ZNF583: variants seen among roughly 807,000 people sequenced by gnomAD.
ZNF583 encodes zinc finger protein L3-5.
In ZNF583, 30 loss-of-function variants were observed where a neutral mutation model predicts 55.3. The observed-to-expected ratio is 0.54, with a 90% CI of 0.41 to 0.74. The LOEUF is 0.74. Ranked by LOEUF, ZNF583 falls within the 30% of genes least tolerant of loss-of-function variation. The probability of loss-of-function intolerance (pLI) is 0.00; values close to 1 mark genes in which losing one functional copy is unlikely to be tolerated. For synonymous variants in ZNF583, 208 were observed against 220.0 expected (o/e 0.95, Z 0.48); for missense variants, 504 against 664.7 (o/e 0.76, Z 2.66).
intron 4 of ZNF583, among the ~76,000 whole-genome samples, chr19:56,415,586 A>G (rs1240558693): frequency 2.0e-5 from 3 of 152,084 alleles, no homozygotes; most frequent in Non-Finnish European, 2.9e-5. Flanking sequence ...TAATATATAT[A>G]TATTTTTAGA....
intron 4 of ZNF583, among the ~76,000 whole-genome samples, chr19:56,417,078 AT>A (rs1244641156): frequency 3.3e-5 from 5 of 152,202 alleles, no homozygotes; most frequent in East Asian, 1.9e-4. Flanking sequence ...GCAACATTTC[AT>A]TTATCCATTC....
upstream of ZNF583, chr19:56,404,215 A>C: frequency 6.6e-6 from 1 of 152,558 alleles, no homozygotes; most frequent in Non-Finnish European, 1.5e-5. The surrounding 1 kb of genome is among the most constrained non-coding windows in gnomAD (Gnocchi z 5.2). Context: ...AGCAGTAACT[A>C]CCCGCAACTG....
intron 4 of ZNF583, among the ~76,000 whole-genome samples, chr19:56,416,883 G>A (rs79700348): frequency 0.047 from 7,072 of 151,978 alleles, 541 homozygotes; most frequent in African/African-American, 0.16. Context: ...AAAAGATTGC[G>A]TGTGTCTCTT....
rs2042465698 is a variant in ZNF583 at position 56,424,135 on chromosome 19, G to A, written c.1477G>A (p.Glu493Lys). The change falls in exon 5 of 5, where the codon GAA becomes AAA. Residue 493 changes from glutamate to lysine, a missense_variant. By Grantham distance (56) the Glu-to-Lys change is moderately conservative. Transcript: ENST00000333201. ...AATTCATACTGGAGAGAAACCTTAT[G>A]AATGTAATGTTTGTGGGAAAGCATT... ...QRIHTGEKPYECNVCGKAFSY... is the reference protein window; with the variant it reads ...QRIHTGEKPYKCNVCGKAFSY... 6.2e-7 allele frequency: 1 copy of A among 1,611,966 alleles called. No individual in the cohort carries two copies. The highest frequency in any genetic ancestry group is 1.3e-5 in the African/African-American group (1 of 74,876).
At chr19:56,419,707 G>A (rs1434542176) in intron 4 of ZNF583, among the ~76,000 whole-genome samples, 2 of 152,180 alleles carry the variant, frequency 1.3e-5, no homozygotes, top group Non-Finnish European at 1.5e-5. Flanking sequence ...TGGATATAGG[G>A]TTAATCAGGT....
In ZNF583 at chr19:56,407,134, AT is replaced by A. The variant is rs1338199042; in HGVS notation, c.9+14del. 1 of 1,614,034 alleles carries A rather than the reference AT, an allele frequency of 6.2e-7. No individual in the cohort carries two copies. The highest frequency in any genetic ancestry group is 1.1e-5 in the South Asian group (1 of 91,066). Reference sequence around the variant, plus strand: ...AAAGCCATGTCCAAGGTAAGGAAGCATTTCTTCTCTCTTCCCTAAAATGCCA... The same window carrying A: ...AAAGCCATGTCCAAGGTAAGGAAGCATTCTTCTCTCTTCCCTAAAATGCCA... On this transcript the variant is annotated intron_variant, in intron 2 of 4. Transcript: ENST00000333201.
At chr19:56,407,519 G>A (rs1381605007) in intron 2 of ZNF583, among the ~76,000 whole-genome samples, 1 of 152,182 alleles carries the variant, frequency 6.6e-6, no homozygotes, top group African/African-American at 2.4e-5. Flanking sequence ...AAGACAGGAG[G>A]GTTATCAGGT....
At chr19:56,422,537 TATTAA>T (rs1407178551) in intron 4 of ZNF583, among the ~76,000 whole-genome samples, 1 of 152,186 alleles carries the variant, frequency 6.6e-6, no homozygotes, top group African/African-American at 2.4e-5. Flanking sequence ...TTTTTAATCA[TATTAA>T]CATCATAAAA....
At chr19:56,414,986 A>G (rs1183233696) in intron 4 of ZNF583, among the ~76,000 whole-genome samples, 4 of 149,918 alleles carry the variant, frequency 2.7e-5, no homozygotes, top group African/African-American at 4.9e-5. Context: ...CCTGCACTCC[A>G]GCCTAGGTAA....
intron 4 of ZNF583, among the ~76,000 whole-genome samples, chr19:56,417,093 T>C (rs945347568): frequency 1.3e-5 from 2 of 152,218 alleles, no homozygotes; most frequent in African/African-American, 4.8e-5. Context: ...TCCATTCACC[T>C]GGTGATGGAC....
At chr19:56,410,721 A>G (rs538110621) in intron 2 of ZNF583, among the ~76,000 whole-genome samples, 1 of 152,140 alleles carries the variant, frequency 6.6e-6, no homozygotes, top group South Asian at 2.1e-4. Flanking sequence ...AACAGCAACA[A>G]CAACAAAAAT....
In ZNF583 at chr19:56,423,440, T is replaced by G. The variant is rs2042451494; in HGVS notation, c.782T>G (p.Ile261Arg). ...GCAAACTTGGCGCAACATAAGAGAA[T>G]ACATACTGGAGAGAAACCCTATGAA... ...QSANLAQHKR[I>R]HTGEKPYECK... is the part of the protein sequence containing the mutation. The change falls in exon 5 of 5, where the codon ATA becomes AGA. Residue 261 changes from isoleucine (I) to arginine (R), a missense_variant. By Grantham distance (97) the Ile-to-Arg change is moderately conservative (BLOSUM62 -3). Transcript: ENST00000333201. 6.2e-7 allele frequency: 1 copy of G among 1,613,772 alleles called. No homozygotes were observed. The highest frequency in any genetic ancestry group is 8.5e-7 in the Non-Finnish European group (1 of 1,179,860).
At chr19:56,416,666 A>G (rs1048750621) in intron 4 of ZNF583, among the ~76,000 whole-genome samples, 7 of 150,222 alleles carry the variant, frequency 4.7e-5, no homozygotes, top group African/African-American at 1.7e-4. Context: ...TGTTCATACT[A>G]GATAATCTAC....
chr19:56,422,989 T>C lies in ZNF583; in HGVS notation c.331T>C (p.Tyr111His). 3 of 1,613,950 alleles carry C rather than the reference T, an allele frequency of 1.9e-6. No homozygotes were observed. Among genetic ancestry groups the C allele is most frequent in the Non-Finnish European group, 2.5e-6 (3 of 1,179,894 alleles). The change falls in exon 5 of 5, where the codon TAT (tyrosine) becomes CAT (histidine). Residue 111 changes from tyrosine to histidine, a missense_variant. Tyr to His is a moderately conservative substitution (Grantham distance 83). Coordinates refer to ENST00000333201, the MANE Select transcript of ZNF583 (RefSeq NM_152478.3). ...VVTVGARHLS[Y>H]SLDYPSLRED... ...GACAGTGGGAGCAAGACATCTTAGTTATAGCCTTGACTATCCCAGTTTGAG... is the reference window on the plus strand; with the variant it reads ...GACAGTGGGAGCAAGACATCTTAGTCATAGCCTTGACTATCCCAGTTTGAG...
At chr19:56,414,477 C>G in intron 4 of ZNF583, 37 bp downstream of exon 4, 1 of 1,563,466 alleles carries the variant, frequency 6.4e-7, no homozygotes, top group Non-Finnish European at 8.7e-7. Flanking sequence ...GAAGCCATTG[C>G]CAGGAAAAGC....
chr19:56,412,674 C>T (rs779866066), intron 2 of ZNF583, among the ~76,000 whole-genome samples: 12 of 152,292 alleles, frequency 7.9e-5, no homozygotes, highest in South Asian at 2.1e-4. Flanking sequence ...AATCATTTGT[C>T]GCCTCTTACA....
At position 56,423,090 on chromosome 19, in the gene ZNF583, C is replaced by T. The variant is rs777094872; in HGVS notation, c.432C>T (p.Ile144=). Residue 144 remains isoleucine (I), a synonymous_variant, in exon 5 of 5, where the codon ATC becomes ATT. Coordinates refer to ENST00000333201, the MANE Select transcript of ZNF583 (RefSeq NM_152478.3). ...AGGTACATCTTAGTCAATTAATCATCACTCATAAAGAAATCCTTCCAGAAG... is the reference window on the plus strand; with the variant it reads ...AGGTACATCTTAGTCAATTAATCATTACTCATAAAGAAATCCTTCCAGAAG... The part of the protein sequence containing the change: ...SQEVHLSQLI[I]THKEILPEVQ... 24 of 1,612,870 alleles carry T rather than the reference C, an allele frequency of 1.5e-5. No homozygotes were observed. In the South Asian group the frequency reaches 2.1e-4, roughly 14 times the overall value.
At chr19:56,419,431 T>C (rs1039368884) in intron 4 of ZNF583, among the ~76,000 whole-genome samples, 16 of 152,134 alleles carry the variant, frequency 1.1e-4, no homozygotes, top group African/African-American at 3.9e-4. Flanking sequence ...CTTGTCCTCG[T>C]GATCCACCTG....
chr19:56,409,416 T>G (rs2042204445), intron 2 of ZNF583, among the ~76,000 whole-genome samples: 1 of 151,500 alleles, frequency 6.6e-6, no homozygotes, highest in Admixed American at 6.6e-5. Flanking sequence ...GCCCAAATGC[T>G]GTTTCCAGGA....
Sources: gnomAD v4.1 joint callset for allele counts (sites outside exome capture counted in the v4.1 genomes callset) on GRCh38, gnomAD v4.1.1 for gene constraint, Gnocchi (gnomAD v3.1) non-coding constraint, MANE v1.5 for transcripts, NCBI Gene and HGNC (gene_info 2026-07-23, HGNC 2026-07-21) for gene names.